The following CDK5RAP2 variants were observed in gnomAD, a reference collection of about 807,000 sequenced individuals.
CDK5RAP2 encodes CDK5 regulatory subunit-associated protein 2.
CDK5RAP2 carries 147 observed loss-of-function variants against 232.9 expected under a neutral mutation model. That is an observed-to-expected ratio of 0.63 (90% CI 0.55 to 0.72). CDK5RAP2 has a LOEUF of 0.72. CDK5RAP2 is among the 30% of genes least tolerant of loss of function. The pLI is 0.00. For synonymous variants in CDK5RAP2, 833 were observed against 833.7 expected, an observed-to-expected ratio of 1.00 and a Z score of 0.01; for missense variants, 2,195 against 2,231.5, an observed-to-expected ratio of 0.98 and a Z score of 0.33.
chr9:120,411,390 G>A lies in CDK5RAP2; in HGVS notation c.4382C>T (p.Ala1461Val). 6.2e-7 allele frequency: 1 copy of A among 1,610,906 alleles called. No individual in the cohort carries two copies. The highest frequency in any genetic ancestry group is 8.5e-7 in the Non-Finnish European group (1 of 1,177,100). Reference protein sequence around the residue: ...EIHFLRKQNQALNAMLIKGSR... With the variant: ...EIHFLRKQNQVLNAMLIKGSR... ...TCCTTTAATGAGCATTGCATTGAGG[G>A]CCTGGTTCTGCTTCCTCAAGAAATG... The change falls in exon 29 of 38, where the codon GCC becomes GTC. Residue 1461 changes from alanine to valine, a missense_variant. Ala to Val is a moderately conservative substitution (Grantham distance 64). Transcript: ENST00000349780.
chr9:120,547,001 T>C (rs1050082476), intron 4 of CDK5RAP2, among the ~76,000 whole-genome samples: 2 of 152,020 alleles, frequency 1.3e-5, no homozygotes, highest in Non-Finnish European at 2.9e-5. Flanking sequence ...TTTTTGTTTT[T>C]TTGAGATGAA....
intron 3 of CDK5RAP2, among the ~76,000 whole-genome samples, chr9:120,562,060 A>G (rs969102342): frequency 6.6e-6 from 1 of 152,248 alleles, no homozygotes; most frequent in Non-Finnish European, 1.5e-5. Context: ...GTCAAAAGCA[A>G]AGAGATAACA....
chr9:120,559,760 C>T lies in CDK5RAP2; in HGVS notation c.195+8561G>A, dbSNP rs2042396077. Among the ~76,000 whole-genome samples the T allele has an allele frequency of 2.0e-5, 3 of 152,090 alleles. No individual in the cohort carries two copies. In the South Asian group the frequency reaches 6.2e-4, roughly 31 times the overall value. On this transcript the variant is annotated intron_variant, in intron 3 of 37. Transcript: ENST00000349780. ...CCATGTGTTACTGTGGAAGTGCAGC[C>T]ATCTGAAATGGGAAACATCTCAACA...
intron 15 of CDK5RAP2, among the ~76,000 whole-genome samples, 165 bp from the exon 16 acceptor site, chr9:120,472,043 A>C (rs2037737788): frequency 6.6e-6 from 1 of 152,220 alleles, no homozygotes; most frequent in Non-Finnish European, 1.5e-5. Context: ...CAGTATAAAG[A>C]AAACAAAAAT....
intron 7 of CDK5RAP2, among the ~76,000 whole-genome samples, chr9:120,533,120 C>G (rs1230717429): frequency 6.6e-6 from 1 of 152,144 alleles, no homozygotes; most frequent in Non-Finnish European, 1.5e-5. Context: ...TCACACCTTG[C>G]TTTTGTCACA....
At chr9:120,550,468 T>C (rs892580530) in intron 4 of CDK5RAP2, among the ~76,000 whole-genome samples, 1 of 152,210 alleles carries the variant, frequency 6.6e-6, no homozygotes, top group South Asian at 2.1e-4. Context: ...CTGGTAACAG[T>C]AGAATTCAAC....
chr9:120,465,730 C>G (rs1185051892), intron 18 of CDK5RAP2, among the ~76,000 whole-genome samples: 1 of 149,762 alleles, frequency 6.7e-6, no homozygotes, highest in Non-Finnish European at 1.5e-5. Flanking sequence ...CCTCTAAACA[C>G]AGAAAAAGAT....
intron 28 of CDK5RAP2, among the ~76,000 whole-genome samples, chr9:120,412,994 C>T (rs1230177432): frequency 6.6e-6 from 1 of 152,204 alleles, no homozygotes; most frequent in Non-Finnish European, 1.5e-5. Flanking sequence ...TGACCTCAGG[C>T]AAATCGCATC....
intron 18 of CDK5RAP2, among the ~76,000 whole-genome samples, chr9:120,467,382 C>T (rs2037439975): frequency 6.6e-6 from 1 of 152,176 alleles, no homozygotes; most frequent in Non-Finnish European, 1.5e-5. Flanking sequence ...CAAAGCATCA[C>T]AGTATATCCA....
chr9:120,412,856 C>T (rs937946054), intron 28 of CDK5RAP2, among the ~76,000 whole-genome samples: 14 of 152,138 alleles, frequency 9.2e-5, no homozygotes, highest in South Asian at 2.1e-4. Flanking sequence ...ATTCACTTAC[C>T]GCAAGGTTAT....
chr9:120,416,911 T>C (rs1325388650), intron 27 of CDK5RAP2, among the ~76,000 whole-genome samples: 1 of 152,278 alleles, frequency 6.6e-6, no homozygotes, highest in Non-Finnish European at 1.5e-5. Context: ...ATAGTAATTT[T>C]ACCATGAATT....
At chr9:120,538,171 G>T (rs1158701890) in intron 6 of CDK5RAP2, among the ~76,000 whole-genome samples, 5 of 152,106 alleles carry the variant, frequency 3.3e-5, no homozygotes, top group African/African-American at 1.2e-4. Flanking sequence ...GGGCCTAATA[G>T]CTACATAACC....
At chr9:120,456,342 T>TA (rs1295234358) in intron 20 of CDK5RAP2, among the ~76,000 whole-genome samples, 3 of 152,216 alleles carry the variant, frequency 2.0e-5, no homozygotes, top group African/African-American at 7.2e-5. Flanking sequence ...AGTCAGGCTG[T>TA]ACTCTACAAC....
intron 28 of CDK5RAP2, among the ~76,000 whole-genome samples, chr9:120,412,918 C>T (rs962086940): frequency 1.3e-5 from 2 of 152,222 alleles, no homozygotes; most frequent in Non-Finnish European, 2.9e-5. Flanking sequence ...CCACTCTCCC[C>T]TGCGAACTCT....
chr9:120,470,202 T>C lies in CDK5RAP2; in HGVS notation c.1877A>G (p.Tyr626Cys). ...RRREEESFSL[Y>C]SDQTSYLSIC... Reference sequence around the variant, plus strand: ...ACTTAGATAAGATGTTTGATCACTATAAAGTGAAAATGATTCTTCTGCCCA... The same window carrying C: ...ACTTAGATAAGATGTTTGATCACTACAAAGTGAAAATGATTCTTCTGCCCA... Residue 626 changes from tyrosine (Y) to cysteine (C), a missense_variant, in exon 17 of 38, where the codon TAT (tyrosine) becomes TGT (cysteine). Transcript: ENST00000349780. 3 of 1,559,484 alleles carry C rather than the reference T, an allele frequency of 1.9e-6. No homozygotes were observed. In the South Asian group the frequency reaches 3.5e-5, roughly 18 times the overall value.
intron 21 of CDK5RAP2, among the ~76,000 whole-genome samples, chr9:120,450,969 A>G (rs1407349357): frequency 2.0e-5 from 3 of 152,186 alleles, no homozygotes; most frequent in African/African-American, 7.2e-5. Flanking sequence ...ACCACGTGGG[A>G]GGAGGTGGAT....
intron 25 of CDK5RAP2, among the ~76,000 whole-genome samples, 176 bp downstream of exon 25, chr9:120,437,119 C>A (rs1347171684): frequency 6.6e-6 from 1 of 152,096 alleles, no homozygotes; most frequent in Non-Finnish European, 1.5e-5. Context: ...CGACCACAAG[C>A]CATGTGGAAG....
rs111373175 is a variant in CDK5RAP2 at position 120,567,357 on chromosome 9, G to C, written c.195+964C>G. On this transcript the variant is annotated intron_variant, in intron 3 of 37. Transcript: ENST00000349780. ...CTAAATTAAATCCAGAGACAGCACT[G>C]CTCTGTTCTGTAAAGACAACTGGGG... Among the ~76,000 whole-genome samples, 322 of 152,262 alleles carry C rather than the reference G, an allele frequency of 2.1e-3. 3 individuals are homozygous for C. Among genetic ancestry groups the C allele is most frequent in the African/African-American group, 6.9e-3 (286 of 41,560 alleles).
At position 120,443,796 on chromosome 9, in the gene CDK5RAP2, C is replaced by T. The variant is rs904243687; in HGVS notation, c.3026-54G>A. On this transcript the variant is annotated intron_variant, in intron 22 of 37. Coordinates refer to ENST00000349780, the MANE Select transcript of CDK5RAP2 (RefSeq NM_018249.6). ...ATAAATAAAACCGTAAGACCTGAAA[C>T]TTAGCCAAGCAACTGAGAAGAACAC... The T allele has an allele frequency of 6.8e-6, 11 of 1,609,922 alleles. 1 individual carries two copies. The Admixed American group carries it at 8.3e-5, about 12-fold the overall frequency.
Sources: allele counts gnomAD v4.1 joint callset (sites outside exome capture counted in the v4.1 genomes callset), GRCh38; gene constraint gnomAD v4.1.1; transcripts MANE v1.5; gene names NCBI Gene and HGNC (gene_info 2026-07-23, HGNC 2026-07-21).